The following HDAC9 variants were observed in gnomAD, a reference collection of about 807,000 sequenced individuals.
HDAC9 encodes histone deacetylase 9.
A neutral mutation model predicts 139.4 loss-of-function variants in HDAC9; 41 were observed. The observed-to-expected ratio is 0.29, with a 90% CI of 0.23 to 0.38. HDAC9 has a LOEUF of 0.38. Ranked by LOEUF, HDAC9 falls within the 10% of genes least tolerant of loss-of-function variation. The pLI is 1.00. For missense variants in HDAC9, 1,147 were observed against 1,297.0 expected (o/e 0.88, Z 1.78); for synonymous variants, 517 against 476.2 (o/e 1.09, Z -1.12).
intron 2 of HDAC9, among the ~76,000 whole-genome samples, chr7:18,175,397 C>G (rs1788806105): frequency 6.6e-6 from 1 of 152,206 alleles, no homozygotes; most frequent in Non-Finnish European, 1.5e-5. Flanking sequence ...GGGAATTCCC[C>G]AACTCCTTGC....
intron 1 of HDAC9, among the ~76,000 whole-genome samples, chr7:18,444,341 GAAAAA>G (rs754142568): frequency 0.053 from 1,858 of 34,882 alleles, 17 homozygotes; most frequent in African/African-American, 0.071. Flanking sequence ...GACCCTGTCT[GAAAAA>G]AAAAAAAAAA....
chr7:18,609,523 C>A (rs74421453), intron 6 of HDAC9, among the ~76,000 whole-genome samples: 1 of 152,122 alleles, frequency 6.6e-6, no homozygotes, highest in Non-Finnish European at 1.5e-5. Context: ...ACTCTTCCCT[C>A]TGAGTTTGAA....
chr7:18,890,427 G>A (rs545965259), intron 22 of HDAC9, among the ~76,000 whole-genome samples: 3 of 152,322 alleles, frequency 2.0e-5, no homozygotes, highest in Admixed American at 2.0e-4. Context: ...GTTTTGGAGA[G>A]TTTTGGAGAT....
chr7:18,310,663 A>G (rs1023725578), intron 1 of HDAC9, among the ~76,000 whole-genome samples: 7 of 152,208 alleles, frequency 4.6e-5, no homozygotes, highest in African/African-American at 1.4e-4. Context: ...TGAATTGTCC[A>G]TGATACCAAT....
intron 23 of HDAC9, among the ~76,000 whole-genome samples, chr7:18,948,549 A>G (rs1782565280): frequency 6.6e-6 from 1 of 152,116 alleles, no homozygotes; most frequent in South Asian, 2.1e-4. Context: ...ATTTTGTACA[A>G]TGTTTGAAAC....
At chr7:18,657,734 T>C (rs1271438637) in intron 11 of HDAC9, among the ~76,000 whole-genome samples, 1 of 152,180 alleles carries the variant, frequency 6.6e-6, no homozygotes, top group East Asian at 1.9e-4. Flanking sequence ...TTTTGCTCCC[T>C]AAATCCAGTC....
At chr7:18,414,257 T>C (rs1028369295) in intron 1 of HDAC9, among the ~76,000 whole-genome samples, 1 of 152,206 alleles carries the variant, frequency 6.6e-6, no homozygotes. Context: ...TTCATGTATT[T>C]TGCAAAGATG....
chr7:18,361,508 A>G (rs1375559260), intron 1 of HDAC9, among the ~76,000 whole-genome samples: 1 of 152,182 alleles, frequency 6.6e-6, no homozygotes, highest in East Asian at 1.9e-4. Context: ...ATTGAAATTT[A>G]ATTATTTCAA....
chr7:18,864,334 T>C (rs921082232), intron 21 of HDAC9, among the ~76,000 whole-genome samples: 4 of 152,070 alleles, frequency 2.6e-5, no homozygotes, highest in African/African-American at 9.7e-5. Flanking sequence ...GTCAAACTCA[T>C]AGAAGCAGAC....
chr7:18,766,643 T>C (rs1789853556), intron 15 of HDAC9, among the ~76,000 whole-genome samples: 1 of 152,186 alleles, frequency 6.6e-6, no homozygotes, highest in African/African-American at 2.4e-5. Flanking sequence ...AGTCTGTACA[T>C]TTGAGAAGAT....
At chr7:18,400,428 G>T (rs947950277) in intron 1 of HDAC9, among the ~76,000 whole-genome samples, 3 of 152,160 alleles carry the variant, frequency 2.0e-5, no homozygotes, top group African/African-American at 7.2e-5. Context: ...AGATCAAGAT[G>T]GGTGTGGTCT....
chr7:18,642,673 C>T (rs1337672117), intron 8 of HDAC9, among the ~76,000 whole-genome samples: 1 of 152,084 alleles, frequency 6.6e-6, no homozygotes, highest in African/African-American at 2.4e-5. Context: ...CTACAAAGAT[C>T]TGCAATCCCA....
intron 2 of HDAC9, among the ~76,000 whole-genome samples, chr7:18,575,325 A>G (rs897137666): frequency 6.6e-6 from 1 of 152,216 alleles, no homozygotes; most frequent in Non-Finnish European, 1.5e-5. Context: ...TTTAATTTTT[A>G]TCTTTAAAAT....
At chr7:18,646,924 G>A (rs1256844184) in intron 9 of HDAC9, among the ~76,000 whole-genome samples, 1 of 152,014 alleles carries the variant, frequency 6.6e-6, no homozygotes, top group Non-Finnish European at 1.5e-5. Flanking sequence ...AATATTTAGA[G>A]ATTTGGGTAT....
At chr7:18,774,937 G>T (rs1179277110) in intron 16 of HDAC9, among the ~76,000 whole-genome samples, 1 of 151,996 alleles carries the variant, frequency 6.6e-6, no homozygotes, top group South Asian at 2.1e-4. Context: ...TTTTGATTGA[G>T]AGTGTTGAGA....
intron 1 of HDAC9, among the ~76,000 whole-genome samples, chr7:18,490,106 A>G (rs1796255711): frequency 6.6e-6 from 1 of 152,098 alleles, no homozygotes; most frequent in African/African-American, 2.4e-5. Flanking sequence ...GGCTAATTTG[A>G]AATCACACCA....
intron 2 of HDAC9, among the ~76,000 whole-genome samples, chr7:18,251,158 A>G (rs1008457680): frequency 2.0e-5 from 3 of 152,244 alleles, no homozygotes; most frequent in African/African-American, 7.2e-5. Context: ...CATATACAGC[A>G]TGGAATACCA....
intron 12 of HDAC9, among the ~76,000 whole-genome samples, chr7:18,701,181 T>C (rs1319913674): frequency 6.6e-6 from 1 of 151,288 alleles, no homozygotes; most frequent in Non-Finnish European, 1.5e-5. Context: ...CACTGTGAGG[T>C]TTTTTTCCTC....
rs1049601952 is a variant in HDAC9 at position 18,479,224 on chromosome 7, G to A, written c.-41-17038G>A. Among the ~76,000 whole-genome samples the A allele has an allele frequency of 3.3e-5, 5 of 151,584 alleles. No homozygotes were observed. The East Asian group carries it at 7.7e-4, about 23-fold the overall frequency. On this transcript the variant is annotated intron_variant, in intron 1 of 3. Coordinates refer to the HDAC9 transcript ENST00000413509. ...AATGTATTCTTTGACATTTTTTCTT[G>A]TAAAACTTTTCAAGTTTGCTTTTTG...
Sources: gnomAD v4.1 joint callset for allele counts (sites outside exome capture counted in the v4.1 genomes callset) on GRCh38, gnomAD v4.1.1 for gene constraint, MANE v1.5 for transcripts, NCBI Gene and HGNC (gene_info 2026-07-23, HGNC 2026-07-21) for gene names.